PCGF6: variants seen among roughly 807,000 people sequenced by gnomAD.
PCGF6 encodes polycomb group RING finger protein 6.
PCGF6 carries 24 observed loss-of-function variants against 45.5 expected under a neutral mutation model. The ratio of observed to expected loss-of-function variants is 0.53; its 90% CI spans 0.38 to 0.74. The LOEUF (loss-of-function observed/expected upper bound fraction) is 0.74, where lower values mean the gene tolerates loss of function less well. Ranked by LOEUF, PCGF6 falls within the 30% of genes least tolerant of loss-of-function variation. The probability of loss-of-function intolerance (pLI) is 0.00; values close to 1 mark genes in which losing one functional copy is unlikely to be tolerated. For missense variants in PCGF6, 356 were observed against 443.2 expected (o/e 0.80, Z 1.77); for synonymous variants, 152 against 162.1 (o/e 0.94, Z 0.47).
chr10:103,329,040 C>T (rs913049248), intron 7 of PCGF6, among the ~76,000 whole-genome samples: 3 of 141,334 alleles, frequency 2.1e-5, no homozygotes, highest in East Asian at 2.2e-4. Flanking sequence ...CCACTGCGCC[C>T]GGCGGATTTT....
chr10:103,318,989 A>G (rs749911332), intron 8 of PCGF6, among the ~76,000 whole-genome samples: 9 of 152,204 alleles, frequency 5.9e-5, no homozygotes, highest in Non-Finnish European at 1.2e-4. Context: ...GATAACAAAA[A>G]TATTTTTGAA....
intron 7 of PCGF6, among the ~76,000 whole-genome samples, chr10:103,330,232 T>C (rs962349193): frequency 2.0e-5 from 3 of 151,924 alleles, no homozygotes; most frequent in African/African-American, 4.8e-5. Flanking sequence ...TGCATCACCA[T>C]ACCGGGCTAA....
chr10:103,348,337 T>C (rs563341080), intron 3 of PCGF6: 1 of 138,300 alleles, frequency 7.2e-6, no homozygotes, highest in East Asian at 2.1e-4. Context: ...CAAGAGTTTT[T>C]TTGTTTTTTT....
chr10:103,333,839 A>G, intron 7 of PCGF6, 86 bp downstream of exon 7: 1 of 900,996 alleles, frequency 1.1e-6, no homozygotes, highest in Non-Finnish European at 1.7e-6. Context: ...ACTTATTTAT[A>G]CAATCTCCAT....
intron 8 of PCGF6, among the ~76,000 whole-genome samples, chr10:103,325,242 C>T (rs572848936): frequency 6.6e-5 from 10 of 151,830 alleles, no homozygotes; most frequent in Non-Finnish European, 1.2e-4. Flanking sequence ...CTGAGCTTTG[C>T]TTGTTTTTTT....
At chr10:103,318,552 G>A (rs1232787228) in intron 8 of PCGF6, among the ~76,000 whole-genome samples, 3 of 151,772 alleles carry the variant, frequency 2.0e-5, no homozygotes, top group Non-Finnish European at 4.4e-5. Context: ...AGACCAGCCT[G>A]GCCAAGATGG....
At chr10:103,316,007 T>TAG (rs1415794640) in intron 8 of PCGF6, among the ~76,000 whole-genome samples, 144 of 128,086 alleles carry the variant, frequency 1.1e-3, no homozygotes, top group Middle Eastern at 3.8e-3. Flanking sequence ...TATATATATA[T>TAG]ATATATAGAG....
intron 7 of PCGF6, among the ~76,000 whole-genome samples, chr10:103,329,826 T>C (rs2093233393): frequency 1.3e-5 from 2 of 149,240 alleles, no homozygotes; most frequent in Admixed American, 1.3e-4. Context: ...TCGCCTGGGC[T>C]GCAGTGCAGT....
intron 3 of PCGF6, 63 bp downstream of exon 3, chr10:103,348,653 T>C: frequency 8.1e-7 from 1 of 1,236,852 alleles, no homozygotes; most frequent in Non-Finnish European, 1.1e-6. Flanking sequence ...TCCAACTATA[T>C]AACTTCAAGC....
intron 8 of PCGF6, among the ~76,000 whole-genome samples, chr10:103,325,992 T>G (rs1344008168): frequency 1.3e-5 from 2 of 151,992 alleles, no homozygotes; most frequent in Non-Finnish European, 2.9e-5. Flanking sequence ...ATCGTGTCAA[T>G]GTACTTCAGC....
rs770598636 is a variant in PCGF6, at chr10:103,351,015, C to T, written c.52G>A (p.Glu18Lys). Residue 18 changes from glutamate (E) to lysine (K), a missense_variant, in exon 1 of 10, where the codon GAG (glutamate) becomes AAG (lysine). Coordinates refer to ENST00000369847, the MANE Select transcript of PCGF6 (RefSeq NM_001011663.2). ...TAGSVGAAKTEGAAALPPPPP... is the reference protein window; with the variant it reads ...TAGSVGAAKTKGAAALPPPPP... Reference sequence around the variant, plus strand: ...GGAGGCGGCAAGGCTGCAGCTCCCTCGGTTTTGGCAGCGCCTACGCTGCCC... The same window carrying T: ...GGAGGCGGCAAGGCTGCAGCTCCCTTGGTTTTGGCAGCGCCTACGCTGCCC... 4 of 1,423,508 alleles carry T rather than the reference C, an allele frequency of 2.8e-6. No homozygotes were observed. Among genetic ancestry groups the T allele is most frequent in the Non-Finnish European group, 2.8e-6 (3 of 1,089,810 alleles). The allele number at this position is 1,423,508 out of a possible 1,614,324, so 88.2% of individuals were successfully genotyped here.
intron 8 of PCGF6, 40 bp downstream of exon 8, chr10:103,326,494 C>T (rs746296762): frequency 7.5e-7 from 1 of 1,334,212 alleles, no homozygotes. Flanking sequence ...TAAAGGTAAG[C>T]TCACAACTTT....
At chr10:103,325,345 C>T (rs2093214176) in intron 8 of PCGF6, among the ~76,000 whole-genome samples, 1 of 151,994 alleles carries the variant, frequency 6.6e-6, no homozygotes, top group Admixed American at 6.6e-5. Context: ...CCTCTGCCTG[C>T]CAGGTTCAAG....
At chr10:103,319,520 C>A (rs1194336757) in intron 8 of PCGF6, among the ~76,000 whole-genome samples, 3 of 152,048 alleles carry the variant, frequency 2.0e-5, no homozygotes, top group African/African-American at 7.2e-5. Context: ...TTCTTCAAAC[C>A]CATTCCTGAG....
intron 8 of PCGF6, among the ~76,000 whole-genome samples, chr10:103,315,703 C>T (rs552752007): frequency 2.4e-4 from 37 of 152,094 alleles, no homozygotes; most frequent in African/African-American, 7.5e-4. Context: ...GACAGGGTCT[C>T]GGTATATTGC....
At chr10:103,328,308 A>G (rs913674115) in intron 7 of PCGF6, among the ~76,000 whole-genome samples, 4 of 152,178 alleles carry the variant, frequency 2.6e-5, no homozygotes, top group Admixed American at 2.0e-4. Flanking sequence ...TCCTATCTGT[A>G]CAGTAGTTTG....
chr10:103,325,716 T>C (rs1311444053), intron 8 of PCGF6, among the ~76,000 whole-genome samples: 1 of 152,096 alleles, frequency 6.6e-6, no homozygotes, highest in Non-Finnish European at 1.5e-5. Flanking sequence ...TTGCCATCAG[T>C]GGCAGTAGGA....
intron 9 of PCGF6, among the ~76,000 whole-genome samples, chr10:103,308,069 T>C (rs888770999): frequency 6.6e-6 from 1 of 152,114 alleles, no homozygotes; most frequent in African/African-American, 2.4e-5. Context: ...AAGCCTGCTG[T>C]AGTGGCAGAG....
chr10:103,340,206 T>A (rs866606412), intron 6 of PCGF6, among the ~76,000 whole-genome samples: 2,765 of 133,180 alleles, frequency 0.021, 43 homozygotes, highest in African/African-American at 0.029. Flanking sequence ...AAAATATATA[T>A]ATATATATAT....
Sources: allele counts gnomAD v4.1 joint callset (sites outside exome capture counted in the v4.1 genomes callset), GRCh38; gene constraint gnomAD v4.1.1; transcripts MANE v1.5; gene names NCBI Gene and HGNC (gene_info 2026-07-23, HGNC 2026-07-21).